ANO10: variants seen among roughly 807,000 people sequenced by gnomAD.
ANO10 encodes the protein anoctamin-10.
Under a neutral mutation model 74.7 loss-of-function variants are expected in ANO10, and 77 were observed. The ratio of observed to expected loss-of-function variants is 1.03; its 90% CI spans 0.86 to 1.25. ANO10 has a LOEUF of 1.25. Among genes scored for constraint, ANO10 ranks in the 50% most tolerant of loss-of-function variants. The pLI is 0.00. For synonymous variants in ANO10, 279 were observed against 284.9 expected, an observed-to-expected ratio of 0.98 and a Z score of 0.21; for missense variants, 721 against 778.1, an observed-to-expected ratio of 0.93 and a Z score of 0.87.
At chr3:43,399,668 C>A (rs145989788) in intron 12 of ANO10, among the ~76,000 whole-genome samples, 12 of 152,106 alleles carry the variant, frequency 7.9e-5, no homozygotes, top group Admixed American at 2.0e-4. Context: ...GCTCTGTGTA[C>A]GTAGACTGCA....
chr3:43,412,799 C>T (rs752341055), intron 12 of ANO10, among the ~76,000 whole-genome samples: 1 of 152,142 alleles, frequency 6.6e-6, no homozygotes, highest in African/African-American at 2.4e-5. Flanking sequence ...GCCTGTAATC[C>T]CAGCACTTTG....
At chr3:43,595,840 C>T (rs1172498883) in intron 4 of ANO10, among the ~76,000 whole-genome samples, 1 of 152,192 alleles carries the variant, frequency 6.6e-6, no homozygotes, top group Non-Finnish European at 1.5e-5. Flanking sequence ...TTGTAGATAA[C>T]ATGACTGTAT....
At chr3:43,427,300 G>A (rs779001377) in intron 12 of ANO10, among the ~76,000 whole-genome samples, 36 of 152,042 alleles carry the variant, frequency 2.4e-4, no homozygotes, top group Admixed American at 3.3e-4. Flanking sequence ...AAAGTGGGGT[G>A]GAGACACAGG....
intron 11 of ANO10, among the ~76,000 whole-genome samples, chr3:43,512,981 T>C (rs376846154): frequency 6.6e-6 from 1 of 152,146 alleles, no homozygotes; most frequent in African/African-American, 2.4e-5. Flanking sequence ...TGAGTCATGA[T>C]GAGAATCCAG....
intron 2 of ANO10, among the ~76,000 whole-genome samples, chr3:43,604,822 CTT>C (rs2082488860): frequency 6.6e-6 from 1 of 152,136 alleles, no homozygotes; most frequent in South Asian, 2.1e-4. Context: ...AAAGAACAGA[CTT>C]AAGTTCAGTG....
At chr3:43,508,392 C>T (rs991186430) in intron 11 of ANO10, among the ~76,000 whole-genome samples, 3 of 152,140 alleles carry the variant, frequency 2.0e-5, no homozygotes, top group Non-Finnish European at 4.4e-5. Context: ...GTGGTGATTC[C>T]TCAAGGATCT....
chr3:43,504,594 A>T (rs527729041), intron 11 of ANO10, among the ~76,000 whole-genome samples: 1 of 152,314 alleles, frequency 6.6e-6, no homozygotes, highest in South Asian at 2.1e-4. Context: ...TGTAGTTTAG[A>T]GGAAAAAGCC....
intron 7 of ANO10, among the ~76,000 whole-genome samples, chr3:43,574,349 C>A (rs181404727): frequency 6.6e-6 from 1 of 151,478 alleles, no homozygotes; most frequent in East Asian, 1.9e-4. Context: ...TGGCTCACTG[C>A]AACCTCCACC....
At chr3:43,678,198 A>G (rs764446348) in intron 1 of ANO10, among the ~76,000 whole-genome samples, 2 of 152,222 alleles carry the variant, frequency 1.3e-5, no homozygotes, top group African/African-American at 4.8e-5. Flanking sequence ...ATAAAGTCTT[A>G]AATATTTCAT....
chr3:43,457,116 C>T (rs2075163674), intron 11 of ANO10, among the ~76,000 whole-genome samples: 1 of 152,124 alleles, frequency 6.6e-6, no homozygotes, highest in Non-Finnish European at 1.5e-5. Flanking sequence ...TTTGATTATG[C>T]TTTGAAATAA....
At chr3:43,453,777 T>C (rs1307724552) in intron 11 of ANO10, among the ~76,000 whole-genome samples, 1 of 152,200 alleles carries the variant, frequency 6.6e-6, no homozygotes, top group Non-Finnish European at 1.5e-5. Flanking sequence ...AGAGTTTATT[T>C]CTGGCCTCTC....
chr3:43,481,048 T>A (rs1345098428), intron 11 of ANO10, among the ~76,000 whole-genome samples: 1 of 108,256 alleles, frequency 9.2e-6, no homozygotes, highest in Non-Finnish European at 2.0e-5. Context: ...AAAGTTGTGA[T>A]GTGAAATTAC....
chr3:43,513,884 C>T (rs1200606357), intron 11 of ANO10, among the ~76,000 whole-genome samples: 1 of 151,408 alleles, frequency 6.6e-6, no homozygotes, highest in Non-Finnish European at 1.5e-5. Flanking sequence ...AATAAAAATA[C>T]CTACGTATTA....
intron 12 of ANO10, among the ~76,000 whole-genome samples, chr3:43,392,896 C>T (rs771808162): frequency 1.3e-5 from 2 of 152,208 alleles, no homozygotes; most frequent in East Asian, 1.9e-4. Flanking sequence ...TAGGGTCACC[C>T]GTGACCGCCA....
intron 7 of ANO10, among the ~76,000 whole-genome samples, chr3:43,571,063 A>T (rs2080682394): frequency 6.6e-6 from 1 of 151,802 alleles, no homozygotes; most frequent in South Asian, 2.1e-4. Context: ...ACATTTACGC[A>T]GCCAAAAAAC....
intron 1 of ANO10, among the ~76,000 whole-genome samples, chr3:43,634,802 A>C (rs906912737): frequency 6.6e-6 from 1 of 152,174 alleles, no homozygotes; most frequent in Non-Finnish European, 1.5e-5. Flanking sequence ...AATGATTAGC[A>C]CAGGCAATCA....
At chr3:43,606,061 C>G (rs1005048006) in intron 1 of ANO10, among the ~76,000 whole-genome samples, 198 bp from the exon 2 acceptor site, 1 of 152,148 alleles carries the variant, frequency 6.6e-6, no homozygotes, top group Non-Finnish European at 1.5e-5. Flanking sequence ...TTGGAAAGAA[C>G]GCCATCCTTT....
intron 12 of ANO10, among the ~76,000 whole-genome samples, chr3:43,386,086 C>T (rs1294812941): frequency 1.3e-5 from 2 of 152,210 alleles, no homozygotes; most frequent in Admixed American, 6.5e-5. Flanking sequence ...TGTCCTGTTG[C>T]TCTCTCTGAC....
At chr3:43,381,610 C>T (rs192460639) in intron 12 of ANO10, among the ~76,000 whole-genome samples, 5 of 152,094 alleles carry the variant, frequency 3.3e-5, no homozygotes, top group Non-Finnish European at 5.9e-5. Context: ...GACAGCAACA[C>T]GATAATAGTG....
Sources: gnomAD v4.1 joint callset for allele counts (sites outside exome capture counted in the v4.1 genomes callset) on GRCh38, gnomAD v4.1.1 for gene constraint, MANE v1.5 for transcripts, NCBI Gene and HGNC (gene_info 2026-07-23, HGNC 2026-07-21) for gene names.